UNC80: variants seen among roughly 807,000 people sequenced by gnomAD.
UNC80 encodes protein unc-80 homolog.
UNC80 carries 164 observed loss-of-function variants against 384.6 expected under a neutral mutation model. That is an observed-to-expected ratio of 0.43 (90% CI 0.38 to 0.49). The LOEUF (loss-of-function observed/expected upper bound fraction) is 0.49. Among genes scored for constraint, UNC80 ranks in the 20% least tolerant of loss-of-function variants. The probability of loss-of-function intolerance (pLI) is 0.00; values close to 1 mark genes in which losing one functional copy is unlikely to be tolerated. For synonymous variants in UNC80, 1,486 were observed against 1,527.8 expected (o/e 0.97, Z 0.64); for missense variants, 3,330 against 4,143.0 (o/e 0.80, Z 5.39).
intron 59 of UNC80, among the ~76,000 whole-genome samples, chr2:209,979,015 G>A (rs990372884): frequency 1.1e-4 from 17 of 152,150 alleles, no homozygotes; most frequent in East Asian, 3.8e-4. Flanking sequence ...TTGGGAGGCC[G>A]AGGCGGGTGG....
At chr2:209,787,556 T>A (rs1352434213) in intron 5 of UNC80, among the ~76,000 whole-genome samples, 3 of 152,192 alleles carry the variant, frequency 2.0e-5, no homozygotes, top group Non-Finnish European at 4.4e-5. Context: ...TGACTGTGTT[T>A]ACAACAGTAG....
At chr2:209,881,196 T>C in intron 25 of UNC80, 102 bp downstream of exon 25, 1 of 1,300,892 alleles carries the variant, frequency 7.7e-7, no homozygotes, top group Non-Finnish European at 1.0e-6. Context: ...CCATGGCTAG[T>C]GTATCACATA....
chr2:209,980,372 AAAGT>A (rs1466438942), intron 59 of UNC80, among the ~76,000 whole-genome samples: 1 of 152,234 alleles, frequency 6.6e-6, no homozygotes, highest in Admixed American at 6.5e-5. Flanking sequence ...CAAGGAAAGA[AAAGT>A]AAGTAAGACT....
At chr2:209,888,869 A>G (rs1018098245) in intron 26 of UNC80, among the ~76,000 whole-genome samples, 1 of 152,148 alleles carries the variant, frequency 6.6e-6, no homozygotes, top group African/African-American at 2.4e-5. Flanking sequence ...ATGTTTCTCA[A>G]TTATCTTAAC....
At chr2:209,970,095 ATTT>A in intron 53 of UNC80, 2 of 606,126 alleles carry the variant, frequency 3.3e-6, no homozygotes, top group Non-Finnish European at 2.8e-6. Flanking sequence ...CACAGAAGGG[ATTT>A]TGGTGTGCTG....
In UNC80 at chr2:209,936,946, T is replaced by TA; in HGVS notation, c.6363+14dup. ...CCACTACAATAAGGTGAGACACCAG[T>TA]AGTGACATCCCCGTTGAGTTGTGCC... On this transcript the variant is annotated intron_variant, in intron 41 of 64. Coordinates refer to ENST00000673920, the MANE Select transcript of UNC80 (RefSeq NM_001371986.1). 2 of 1,509,272 alleles carry TA rather than the reference T, an allele frequency of 1.3e-6. No homozygotes were observed. The highest frequency in any genetic ancestry group is 1.8e-6 in the Non-Finnish European group (2 of 1,108,578). The allele number at this position is 1,509,272 out of a possible 1,614,324, so 93.5% of individuals were successfully genotyped here.
chr2:209,809,159 C>A (rs920686119), intron 7 of UNC80: 3 of 615,534 alleles, frequency 4.9e-6, no homozygotes, highest in African/African-American at 1.8e-5. Flanking sequence ...GAGGCGGAGG[C>A]CGATACCACC....
intron 29 of UNC80, among the ~76,000 whole-genome samples, chr2:209,910,051 A>G (rs1163872518): frequency 6.6e-6 from 1 of 151,708 alleles, no homozygotes; most frequent in African/African-American, 2.4e-5. Flanking sequence ...CAAGATACAC[A>G]TAGTGGTTGA....
Position 209,959,570 on chromosome 2 carries a change from A to T in UNC80, c.7668A>T (p.Arg2556Ser). Residue 2556 changes from arginine (R) to serine (S), a missense_variant, in exon 51 of 65, where the codon AGA (arginine) becomes AGT (serine). Around this residue, in one of 8 missense-constraint regions of UNC80, gnomAD observed 1,049 missense variants for 1,488.6 expected, o/e 0.70. Transcript: ENST00000673920. ...AACGAATTGCTCGGGAAGAGTTCAG[A>T]AGACCCCGGGAGTCCTTACTGAATA... is the stretch of plus-strand genomic sequence containing the variant. ...LDERIAREEF[R>S]RPRESLLNIC... is the part of the protein sequence containing the mutation. The T allele has an allele frequency of 6.4e-7, 1 of 1,551,732 alleles. No individual in the cohort carries two copies. Among genetic ancestry groups the T allele is most frequent in the Non-Finnish European group, 8.7e-7 (1 of 1,146,992 alleles).
At chr2:209,825,708 AT>A (rs1320518419) in intron 13 of UNC80, among the ~76,000 whole-genome samples, 198 bp from the exon 14 acceptor site, 2 of 152,224 alleles carry the variant, frequency 1.3e-5, no homozygotes, top group South Asian at 2.1e-4. Context: ...AAATACGTAG[AT>A]TTTTTTCTTT....
At chr2:209,896,715 C>T (rs532981036) in intron 28 of UNC80, among the ~76,000 whole-genome samples, 2 of 152,176 alleles carry the variant, frequency 1.3e-5, no homozygotes, top group East Asian at 1.9e-4. Context: ...AGTGACACAG[C>T]GTAGGTATCA....
At chr2:209,794,789 T>C (rs972180675) in intron 7 of UNC80, 6 of 455,034 alleles carry the variant, frequency 1.3e-5, no homozygotes, top group African/African-American at 4.0e-5. Context: ...GCCACCACCA[T>C]ATAAGAAGCA....
intron 22 of UNC80, among the ~76,000 whole-genome samples, chr2:209,857,530 A>AT (rs530900963): frequency 6.6e-6 from 1 of 151,572 alleles, no homozygotes; most frequent in Non-Finnish European, 1.5e-5. Context: ...TGTCTATTTC[A>AT]TTTTTTTAAT....
At chr2:209,799,032 A>C (rs940256873) in intron 7 of UNC80, among the ~76,000 whole-genome samples, 18 of 150,070 alleles carry the variant, frequency 1.2e-4, no homozygotes, top group African/African-American at 4.1e-4. Context: ...ATTTAAAATA[A>C]ATTTTAAATT....
intron 10 of UNC80, 137 bp from the exon 11 acceptor site, chr2:209,817,675 C>A: frequency 9.3e-7 from 1 of 1,077,326 alleles, no homozygotes; most frequent in Non-Finnish European, 1.3e-6. Flanking sequence ...AAGTTCAGTT[C>A]TTGCTTTTTT....
intron 12 of UNC80, 110 bp downstream of exon 12, chr2:209,819,371 T>G: frequency 8.1e-7 from 1 of 1,241,314 alleles, no homozygotes; most frequent in Non-Finnish European, 1.1e-6. Context: ...TATCAAACCT[T>G]GAAATGAAAA....
At chr2:209,881,658 C>T (rs1363791653) in intron 25 of UNC80, among the ~76,000 whole-genome samples, 12 of 151,968 alleles carry the variant, frequency 7.9e-5, no homozygotes, top group Admixed American at 7.9e-4. Flanking sequence ...CACATGCGTG[C>T]ATGCATATAC....
intron 7 of UNC80, chr2:209,794,697 A>G (rs188098869): frequency 4.8e-6 from 2 of 420,936 alleles, no homozygotes; most frequent in Admixed American, 2.6e-5. Flanking sequence ...TTCCCATGCT[A>G]TTCTCGATAG....
intron 48 of UNC80, 34 bp from the exon 49 acceptor site, chr2:209,957,610 T>A: frequency 6.7e-7 from 1 of 1,485,220 alleles, no homozygotes; most frequent in East Asian, 2.5e-5. Flanking sequence ...TTGTTGTTGT[T>A]GTTTTGCTGT....
Sources: gnomAD v4.1 joint callset for allele counts (sites outside exome capture counted in the v4.1 genomes callset) on GRCh38, gnomAD v4.1.1 for gene constraint, gnomAD v4.1.1 regional missense constraint, MANE v1.5 for transcripts, NCBI Gene and HGNC (gene_info 2026-07-23, HGNC 2026-07-21) for gene names.